GRID2: variants seen among roughly 807,000 people sequenced by gnomAD.
GRID2 encodes glutamate receptor ionotropic, delta-2.
Under a neutral mutation model 114.8 loss-of-function variants are expected in GRID2, and 33 were observed. The observed-to-expected ratio is 0.29, with a 90% CI of 0.22 to 0.38. GRID2 has a LOEUF of 0.38. GRID2 is among the 10% of genes least tolerant of loss of function. The probability of loss-of-function intolerance (pLI) is 1.00; values close to 1 mark genes in which losing one functional copy is unlikely to be tolerated. For synonymous variants in GRID2, 505 were observed against 449.9 expected, an observed-to-expected ratio of 1.12 and a Z score of -1.55; for missense variants, 1,184 against 1,257.7, an observed-to-expected ratio of 0.94 and a Z score of 0.89.
chr4:93,526,678 G>T (rs973280073), intron 13 of GRID2, among the ~76,000 whole-genome samples: 3 of 152,038 alleles, frequency 2.0e-5, no homozygotes, highest in Non-Finnish European at 4.4e-5. Context: ...GTGTGGTGGC[G>T]CATGCCTGTA....
intron 8 of GRID2, among the ~76,000 whole-genome samples, chr4:93,367,680 A>C (rs1030089054): frequency 3.3e-5 from 5 of 152,184 alleles, no homozygotes; most frequent in African/African-American, 1.2e-4. Context: ...CTAGCAAAGT[A>C]CTGGAGACAA....
intron 13 of GRID2, among the ~76,000 whole-genome samples, chr4:93,614,031 C>T (rs2149670270): frequency 6.6e-6 from 1 of 152,092 alleles, no homozygotes; most frequent in South Asian, 2.1e-4. Context: ...GTTTTTTAAG[C>T]CGGTCTGAAA....
chr4:93,798,574 C>T (rs1048946720), intron 1 of GRID2, among the ~76,000 whole-genome samples: 2 of 152,158 alleles, frequency 1.3e-5, no homozygotes, highest in Non-Finnish European at 2.9e-5. Context: ...TGCATTTATG[C>T]ACATCATATT....
At chr4:93,530,702 T>C (rs958728638) in intron 13 of GRID2, among the ~76,000 whole-genome samples, 1 of 152,184 alleles carries the variant, frequency 6.6e-6, no homozygotes, top group Non-Finnish European at 1.5e-5. Flanking sequence ...CTAGATCATA[T>C]ACTATTTTGG....
intron 4 of GRID2, among the ~76,000 whole-genome samples, chr4:93,184,822 T>C (rs754425312): frequency 3.9e-5 from 6 of 151,944 alleles, no homozygotes; most frequent in Non-Finnish European, 5.9e-5. Flanking sequence ...GCAGAAGTTG[T>C]GGTCAGCCAA....
chr4:93,479,559 C>T (rs1253388796), intron 11 of GRID2, among the ~76,000 whole-genome samples: 1 of 152,036 alleles, frequency 6.6e-6, no homozygotes, highest in African/African-American at 2.4e-5. Context: ...CAGTCCCAGG[C>T]CAAAGGCCTG....
chr4:92,754,325 G>A (rs989145606), intron 2 of GRID2, among the ~76,000 whole-genome samples: 3 of 152,090 alleles, frequency 2.0e-5, no homozygotes, highest in Non-Finnish European at 2.9e-5. Flanking sequence ...CAAAAAGCTC[G>A]TGAAATCTGC....
intron 2 of GRID2, among the ~76,000 whole-genome samples, chr4:92,917,096 C>T (rs1459002523): frequency 6.6e-6 from 1 of 152,126 alleles, no homozygotes; most frequent in Non-Finnish European, 1.5e-5. Flanking sequence ...TTTTGATTTG[C>T]ATTTCTCTGA....
chr4:92,989,129 T>G lies in GRID2; in HGVS notation c.245-95866T>G, dbSNP rs886913288. 2.0e-5 allele frequency among the ~76,000 whole-genome samples: 3 copies of G among 151,500 alleles called. No homozygotes were observed. The East Asian group carries it at 5.8e-4, about 30-fold the overall frequency. On this transcript the variant is annotated intron_variant, in intron 2 of 15. Coordinates refer to ENST00000282020, the MANE Select transcript of GRID2 (RefSeq NM_001510.4). ...CATCTCTACTAAAAATACAAAAAAT[T>G]AGCCGGGTGTGGTGGCACACGCCTG...
chr4:92,941,782 T>C (rs1483092027), intron 2 of GRID2, among the ~76,000 whole-genome samples: 1 of 152,182 alleles, frequency 6.6e-6, no homozygotes, highest in Admixed American at 6.5e-5. Flanking sequence ...TTGTTCTCAT[T>C]GGTTTCAAAG....
At chr4:93,432,420 T>C (rs1769502869) in intron 10 of GRID2, among the ~76,000 whole-genome samples, 1 of 152,108 alleles carries the variant, frequency 6.6e-6, no homozygotes, top group African/African-American at 2.4e-5. Context: ...GAAATGTTAA[T>C]TAGAAGATCA....
intron 14 of GRID2, among the ~76,000 whole-genome samples, chr4:93,758,416 ATGT>A (rs1289573668): frequency 6.6e-6 from 1 of 152,164 alleles, no homozygotes; most frequent in Non-Finnish European, 1.5e-5. Context: ...TCTAACTTAG[ATGT>A]TGTTTGCATC....
intron 2 of GRID2, among the ~76,000 whole-genome samples, chr4:92,840,955 TTAA>T (rs996935743): frequency 6.6e-6 from 1 of 152,048 alleles, no homozygotes; most frequent in African/African-American, 2.4e-5. Flanking sequence ...TCTTTTCTTC[TTAA>T]TAACTATTCC....
intron 2 of GRID2, among the ~76,000 whole-genome samples, chr4:92,646,486 A>C (rs1366250422): frequency 6.6e-6 from 1 of 151,558 alleles, no homozygotes; most frequent in Non-Finnish European, 1.5e-5. Flanking sequence ...AAAAAAAAAA[A>C]ACTTGTTCAC....
At chr4:93,126,742 C>A (rs969186715) in intron 4 of GRID2, among the ~76,000 whole-genome samples, 1 of 150,264 alleles carries the variant, frequency 6.7e-6, no homozygotes, top group African/African-American at 2.5e-5. Flanking sequence ...GGACTACAGG[C>A]GCCCGCTACC....
chr4:93,238,228 T>C (rs940826400), intron 7 of GRID2, 143 bp from the exon 8 acceptor site: 5 of 529,282 alleles, frequency 9.4e-6, no homozygotes, highest in Non-Finnish European at 1.3e-5. Context: ...TGTGTACCTA[T>C]TTTAAAAAGT....
chr4:93,019,216 C>A (rs1723046767), intron 2 of GRID2, among the ~76,000 whole-genome samples: 1 of 152,146 alleles, frequency 6.6e-6, no homozygotes, highest in Non-Finnish European at 1.5e-5. Context: ...CATATACACA[C>A]ACATACATGT....
intron 1 of GRID2, among the ~76,000 whole-genome samples, chr4:92,437,654 C>G (rs1201999823): frequency 6.6e-6 from 1 of 152,174 alleles, no homozygotes; most frequent in African/African-American, 2.4e-5. Flanking sequence ...TTCATATGTC[C>G]TTTTCTGTTT....
chr4:92,696,095 A>T (rs1734412605), intron 2 of GRID2, among the ~76,000 whole-genome samples: 1 of 152,134 alleles, frequency 6.6e-6, no homozygotes, highest in African/African-American at 2.4e-5. Flanking sequence ...AAAAGTACAT[A>T]AAATTTAACA....
Sources: allele counts gnomAD v4.1 joint callset (sites outside exome capture counted in the v4.1 genomes callset), GRCh38; gene constraint gnomAD v4.1.1; transcripts MANE v1.5; gene names NCBI Gene and HGNC (gene_info 2026-07-23, HGNC 2026-07-21).